The following EZH1 variants were observed in gnomAD, a reference collection of about 807,000 sequenced individuals.
EZH1 encodes histone-lysine N-methyltransferase EZH1.
EZH1 carries 33 observed loss-of-function variants against 100.5 expected under a neutral mutation model. The ratio of observed to expected loss-of-function variants is 0.33; its 90% confidence interval spans 0.25 to 0.44. The LOEUF (loss-of-function observed/expected upper bound fraction) is 0.44, where lower values mean the gene tolerates loss of function less well. Ranked by LOEUF, EZH1 falls within the 20% of genes least tolerant of loss-of-function variation. The pLI, the probability that EZH1 is intolerant of heterozygous loss-of-function variation, is 1.00. For synonymous variants in EZH1, 272 were observed against 313.8 expected (o/e 0.87, Z 1.41); for missense variants, 475 against 928.4 (o/e 0.51, Z 6.35).
intron 1 of EZH1, 122 bp from the exon 2 acceptor site, chr17:42,731,040 T>C (rs1307581324): frequency 4.5e-6 from 1 of 220,930 alleles, no homozygotes; most frequent in Non-Finnish European, 7.6e-6. Flanking sequence ...ACTATTTTTG[T>C]ATGTCTAAGA....
At chr17:42,726,554 C>A (rs2143823990) in intron 4 of EZH1, among the ~76,000 whole-genome samples, 1 of 151,518 alleles carries the variant, frequency 6.6e-6, no homozygotes, top group East Asian at 1.9e-4. Flanking sequence ...TCTTGTTGCC[C>A]AGGCTGAAGT....
At chr17:42,733,664 G>A (rs557226253) in intron 1 of EZH1, among the ~76,000 whole-genome samples, 6 of 144,548 alleles carry the variant, frequency 4.2e-5, no homozygotes, top group Admixed American at 7.0e-5. Flanking sequence ...AAAAAAGGCC[G>A]GGCAGGGTGG....
At chr17:42,724,577 T>A in intron 4 of EZH1, 153 bp from the exon 5 acceptor site, 1 of 751,408 alleles carries the variant, frequency 1.3e-6, no homozygotes, top group Non-Finnish European at 2.1e-6. Flanking sequence ...TTGAAGTCAG[T>A]TGGAGACCAG....
At chr17:42,727,269 T>C (rs1400733619) in intron 4 of EZH1, among the ~76,000 whole-genome samples, 1 of 152,206 alleles carries the variant, frequency 6.6e-6, no homozygotes, top group African/African-American at 2.4e-5. Context: ...TTTTCTTTTT[T>C]GGACATAAGG....
chr17:42,735,195 CG>C (rs2054042944), intron 1 of EZH1, among the ~76,000 whole-genome samples: 1 of 151,480 alleles, frequency 6.6e-6, no homozygotes, highest in African/African-American at 2.4e-5. Flanking sequence ...GAGGCTGAGG[CG>C]GGTGGATCAC....
chr17:42,716,047 C>CA lies in EZH1; in HGVS notation c.1023+1928dup, dbSNP rs35668797. On this transcript the variant is annotated intron_variant, in intron 10 of 20. Transcript: ENST00000428826. ...GGGCAACAAGAGTGAAACTCTGTCT[C>CA]AAAAAAAAAAAAAAAAAGACATAAT... Among the ~76,000 whole-genome samples the CA allele has an allele frequency of 3.1e-3, 220 of 70,558 alleles. 2 individuals carry two copies. The highest frequency in any genetic ancestry group is 0.02 in the Middle Eastern group (2 of 100). 46.3% of individuals were successfully genotyped at this position (70,558 alleles called of 152,430 possible). A position where few individuals can be genotyped will look rare whatever the true frequency, so the allele number is the denominator to read the frequency against.
chr17:42,709,813 G>C (rs768419901), intron 13 of EZH1, 33 bp downstream of exon 13: 1 of 1,606,476 alleles, frequency 6.2e-7, no homozygotes, highest in East Asian at 2.2e-5. Flanking sequence ...CAGCCTGGCT[G>C]TAAAACAAAA....
chr17:42,719,013 A>C (rs1597841485), intron 8 of EZH1, 92 bp downstream of exon 8: 2 of 953,270 alleles, frequency 2.1e-6, no homozygotes, highest in East Asian at 4.8e-5. Flanking sequence ...CCCTTACCAT[A>C]AACAAAGCTT....
chr17:42,723,006 T>C, intron 5 of EZH1, 91 bp from the exon 6 acceptor site: 1 of 1,472,124 alleles, frequency 6.8e-7, no homozygotes, highest in Admixed American at 2.4e-5. Flanking sequence ...CTTTGTTTGT[T>C]GCTTGAGTCT....
At chr17:42,732,575 T>G (rs900902905) in intron 1 of EZH1, among the ~76,000 whole-genome samples, 11 of 152,016 alleles carry the variant, frequency 7.2e-5, no homozygotes, top group African/African-American at 2.4e-4. Context: ...GAGACTATCC[T>G]GGCTAAAACA....
At chr17:42,703,635 T>C (rs2053289877) in intron 19 of EZH1, 105 bp downstream of exon 19, 1 of 810,334 alleles carries the variant, frequency 1.2e-6, no homozygotes, top group South Asian at 1.5e-5. Context: ...ATGATTATCT[T>C]TGGACAAAAA....
chr17:42,708,099 G>GA lies in EZH1; in HGVS notation c.1535-17dup, dbSNP rs2053396682. ...GAAGAGTTATCTAGGAAAGAAAACAGAGGAGGATGCTGCTGTGACCATACT... is the reference window on the plus strand; with the variant it reads ...GAAGAGTTATCTAGGAAAGAAAACAGAAGGAGGATGCTGCTGTGACCATACT... On this transcript the variant is annotated splice_polypyrimidine_tract_variant and intron_variant, in intron 14 of 20. Transcript: ENST00000428826. 6.3e-7 allele frequency: 1 copy of GA among 1,590,658 alleles called. No homozygotes were observed. Among genetic ancestry groups the GA allele is most frequent in the Admixed American group, 1.8e-5 (1 of 56,808 alleles).
At chr17:42,734,949 C>T (rs536755489) in intron 1 of EZH1, among the ~76,000 whole-genome samples, 19 of 137,528 alleles carry the variant, frequency 1.4e-4, no homozygotes, top group Middle Eastern at 4.6e-3. Context: ...GCTGAGATCG[C>T]GCCACTGCAC....
At chr17:42,708,210 A>G in intron 14 of EZH1, 127 bp from the exon 15 acceptor site, 2 of 1,139,188 alleles carry the variant, frequency 1.8e-6, no homozygotes, top group Non-Finnish European at 2.4e-6. Context: ...CACATTTAGC[A>G]CCTGAAGTGA....
In EZH1 at chr17:42,720,461, G is replaced by A. The variant is rs369438158; in HGVS notation, c.488-12C>T. The stretch of plus-strand genomic sequence containing the variant: ...TCCAGGGATCATCTCTGAAACATGA[G>A]GATTCGAAAGATGAGCAGTGGTCAC... On this transcript the variant is annotated splice_polypyrimidine_tract_variant and intron_variant, in intron 6 of 20. Coordinates refer to ENST00000428826, the MANE Select transcript of EZH1 (RefSeq NM_001991.5). 6.3e-7 allele frequency: 1 copy of A among 1,599,312 alleles called. No individual in the cohort carries two copies. Among genetic ancestry groups the A allele is most frequent in the African/African-American group, 1.3e-5 (1 of 74,340 alleles).
intron 18 of EZH1, 75 bp from the exon 19 acceptor site, chr17:42,703,895 A>C: frequency 2.8e-6 from 3 of 1,058,618 alleles, no homozygotes; most frequent in Non-Finnish European, 4.4e-6. Context: ...ATTTAAAATC[A>C]GTTAAATGGT....
At chr17:42,712,233 G>T in intron 12 of EZH1, 56 bp downstream of exon 12, 2 of 1,565,832 alleles carry the variant, frequency 1.3e-6, no homozygotes, top group South Asian at 1.2e-5. Flanking sequence ...CAAAGGGCTG[G>T]ACAGAGCAAT....
At chr17:42,715,796 C>T (rs986956335) in intron 10 of EZH1, among the ~76,000 whole-genome samples, 2 of 151,968 alleles carry the variant, frequency 1.3e-5, no homozygotes, top group African/African-American at 2.4e-5. Context: ...ACCTGTAATC[C>T]CAGTACTTTG....
chr17:42,738,878 A>AC (rs957587572), intron 1 of EZH1, among the ~76,000 whole-genome samples: 2 of 141,816 alleles, frequency 1.4e-5, no homozygotes, highest in Admixed American at 7.4e-5. Context: ...TCTTGCCTCC[A>AC]CCCCCCCTGA....
Sources: allele counts gnomAD v4.1 joint callset (sites outside exome capture counted in the v4.1 genomes callset), GRCh38; gene constraint gnomAD v4.1.1; transcripts MANE v1.5; gene names NCBI Gene and HGNC (gene_info 2026-07-23, HGNC 2026-07-21).